EXOC7: variants seen among roughly 807,000 people sequenced by gnomAD.
The protein encoded by EXOC7 is exocyst complex component Exo70.
A neutral mutation model predicts 87.6 loss-of-function variants in EXOC7; 51 were observed. That is an observed-to-expected ratio of 0.58 (90% CI 0.46 to 0.73). EXOC7 has a LOEUF of 0.73. Ranked by LOEUF, EXOC7 falls within the 30% of genes least tolerant of loss-of-function variation. The pLI, the probability that EXOC7 is intolerant of heterozygous loss-of-function variation, is 0.00. For synonymous variants in EXOC7, 327 were observed against 357.1 expected, an observed-to-expected ratio of 0.92 and a Z score of 0.95; for missense variants, 744 against 888.4, an observed-to-expected ratio of 0.84 and a Z score of 2.07.
chr17:76,088,928 G>C lies in EXOC7; in HGVS notation c.1048-5C>G. ...CATCAGCCCATCCAGGGCATCCTGA[G>C]GGGGCAGGGAGACAGTTCAGGGAAG... On this transcript the variant is annotated splice_region_variant and splice_polypyrimidine_tract_variant and intron_variant, in intron 8 of 18. Transcript: ENST00000589210. 1.9e-6 allele frequency: 3 copies of C among 1,612,214 alleles called. No homozygotes were observed. The highest frequency in any genetic ancestry group is 1.7e-4 in the Middle Eastern group (1 of 6,050).
At chr17:76,085,601 G>C in intron 14 of EXOC7, 76 bp downstream of exon 14, 1 of 1,605,966 alleles carries the variant, frequency 6.2e-7, no homozygotes, top group South Asian at 1.1e-5. Flanking sequence ...AAGGAGCCCA[G>C]GGGGGCAGGG....
In EXOC7 at chr17:76,098,032, A is replaced by G; in HGVS notation, c.418-14T>C. 6.2e-7 allele frequency: 1 copy of G among 1,611,840 alleles called. No individual in the cohort carries two copies. The highest frequency in any genetic ancestry group is 8.5e-7 in the Non-Finnish European group (1 of 1,177,986). On this transcript the variant is annotated splice_polypyrimidine_tract_variant and intron_variant, in intron 4 of 18. Coordinates refer to ENST00000589210, the MANE Select transcript of EXOC7 (RefSeq NM_001013839.4). ...AAAGAGCAGTTTCTGCACAGACAAC[A>G]GAAGGAAGCAGGTGCCTGCTGCTTC...
In EXOC7 at chr17:76,083,763, T is replaced by G. The variant is rs761849334; in HGVS notation, c.1953-13A>C. The G allele has an allele frequency of 6.2e-7, 1 of 1,610,898 alleles. No homozygotes were observed. Among genetic ancestry groups the G allele is most frequent in the Non-Finnish European group, 8.5e-7 (1 of 1,178,492 alleles). ...CACGCTGCCAAACCTGAGGAGGCAC[T>G]GTGGTCAGGGGACAGGGAGGGCCGA... On this transcript the variant is annotated splice_polypyrimidine_tract_variant and intron_variant, in intron 18 of 18. Coordinates refer to ENST00000589210, the MANE Select transcript of EXOC7 (RefSeq NM_001013839.4).
At chr17:76,103,265 A>T in intron 2 of EXOC7, 96 bp downstream of exon 2, 1 of 1,166,744 alleles carries the variant, frequency 8.6e-7, no homozygotes, top group Non-Finnish European at 1.2e-6. Flanking sequence ...TGCCCATTCC[A>T]GAACTCCAGG....
In EXOC7 at chr17:76,094,404, G is replaced by C. The variant is rs368488973; in HGVS notation, c.808+10C>G. ...GGCTGTTGCAGAGATGGGCCAGGAT[G>C]GGGGCTCACCTGGCCGCTTGACTGG... is the stretch of plus-strand genomic sequence containing the variant. On this transcript the variant is annotated intron_variant, in intron 6 of 18. Coordinates refer to ENST00000589210, the MANE Select transcript of EXOC7 (RefSeq NM_001013839.4). 9 of 1,610,124 alleles carry C rather than the reference G, an allele frequency of 5.6e-6. No individual in the cohort carries two copies. In the African/African-American group the frequency reaches 9.4e-5, roughly 17 times the overall value.
chr17:76,100,844 G>A (rs963824910), intron 4 of EXOC7, among the ~76,000 whole-genome samples: 3 of 151,858 alleles, frequency 2.0e-5, no homozygotes, highest in African/African-American at 4.8e-5. Flanking sequence ...AGCCAGGTGC[G>A]GTGGCGAGTG....
intron 5 of EXOC7, among the ~76,000 whole-genome samples, chr17:76,094,854 G>C (rs2665980): frequency 0.49 from 73,582 of 151,092 alleles, 18,356 homozygotes; most frequent in South Asian, 0.67. Flanking sequence ...CAAGTAATCT[G>C]ACCACTTCAG....
intron 3 of EXOC7, 121 bp from the exon 4 acceptor site, chr17:76,101,497 C>T (rs1314591956): frequency 1.4e-6 from 2 of 1,438,590 alleles, no homozygotes; most frequent in South Asian, 1.4e-5. Flanking sequence ...ATTCTATCCC[C>T]CCACTGCCTT....
chr17:76,096,453 G>A (rs571056581), intron 5 of EXOC7, among the ~76,000 whole-genome samples: 5 of 148,804 alleles, frequency 3.4e-5, no homozygotes, highest in South Asian at 2.2e-4. Flanking sequence ...CAGAGGTTGC[G>A]GTGAGCCAAT....
Position 76,081,999 on chromosome 17 carries a change from C to T in EXOC7, c.*1649G>A, listed in dbSNP as rs749838124. 1.5e-5 allele frequency: 24 copies of T among 1,611,728 alleles called. No individual in the cohort carries two copies. Among genetic ancestry groups the T allele is most frequent in the African/African-American group, 8.0e-5 (6 of 74,862 alleles). On this transcript the variant is annotated 3_prime_UTR_variant, in exon 19 of 19. Transcript: ENST00000589210. ...GCCAAGAGCGGCCCCAGCCCAGCCCCGAGAGGGGAACAGCGAGAGCACGGC... is the reference window on the plus strand; with the variant it reads ...GCCAAGAGCGGCCCCAGCCCAGCCCTGAGAGGGGAACAGCGAGAGCACGGC...
Position 76,082,226 on chromosome 17 carries a change from A to G in EXOC7, c.*1422T>C. On this transcript the variant is annotated 3_prime_UTR_variant, in exon 19 of 19. Coordinates refer to ENST00000589210, the MANE Select transcript of EXOC7 (RefSeq NM_001013839.4). Reference sequence around the variant, plus strand: ...AGAAACAGGTCTGGGGCAGGGAGCAAGCTGAGCCTCCCTGAAGTCCCAGGT... The same window carrying G: ...AGAAACAGGTCTGGGGCAGGGAGCAGGCTGAGCCTCCCTGAAGTCCCAGGT... 6 of 869,700 alleles carry G rather than the reference A, an allele frequency of 6.9e-6. No individual in the cohort carries two copies. Among genetic ancestry groups the G allele is most frequent in the Non-Finnish European group, 1.0e-5 (6 of 583,574 alleles). The allele number at this position is 869,700 out of a possible 1,614,324, so 53.9% of individuals were successfully genotyped here. A position where few individuals can be genotyped will look rare whatever the true frequency, so the allele number is the denominator to read the frequency against.
Position 76,081,192 on chromosome 17 carries a change from C to T in EXOC7, c.*2456G>A. The T allele has an allele frequency of 1.3e-6, 2 of 1,560,300 alleles. No individual in the cohort carries two copies. The highest frequency in any genetic ancestry group is 1.8e-5 in the Admixed American group (1 of 54,394). On this transcript the variant is annotated 3_prime_UTR_variant, in exon 19 of 19. Transcript: ENST00000589210. The stretch of plus-strand genomic sequence containing the variant: ...GCCAAAAGCCATCAAAAGTCTCCAT[C>T]ACCCCTGGGCTCCAGTCTGCTACCC...
chr17:76,087,565 T>C, intron 12 of EXOC7, 89 bp downstream of exon 12: 1 of 1,313,710 alleles, frequency 7.6e-7, no homozygotes, highest in South Asian at 1.3e-5. Flanking sequence ...AGACTGGAGA[T>C]ACCTCCTCAC....
Position 76,085,389 on chromosome 17 carries a change from A to G in EXOC7, c.1637T>C (p.Val546Ala). 6.2e-7 allele frequency: 1 copy of G among 1,610,328 alleles called. No homozygotes were observed. The highest frequency in any genetic ancestry group is 8.5e-7 in the Non-Finnish European group (1 of 1,179,070). Residue 546 changes from valine to alanine, a missense_variant, in exon 15 of 19, where the codon GTG (valine) becomes GCG (alanine). This residue lies in a region of EXOC7 where 228 missense variants were observed against 298.6 expected (regional missense o/e 0.76). Coordinates refer to ENST00000589210, the MANE Select transcript of EXOC7 (RefSeq NM_001013839.4). Reference protein sequence around the residue: ...SLEKSELIQLVAVTQKTAERS... With the variant: ...SLEKSELIQLAAVTQKTAERS... ...CTCAGCAGTCTTCTGTGTCACTGCC[A>G]CCAGCTGGATCAGTTCAGACCTGGG...
chr17:76,084,311 C>T (rs1274967524), intron 16 of EXOC7, 22 bp from the exon 17 acceptor site: 2 of 1,613,458 alleles, frequency 1.2e-6, no homozygotes, highest in Non-Finnish European at 1.7e-6. Context: ...GGAGAGATAG[C>T]AGAGAAAGCT....
chr17:76,090,264 G>C, intron 7 of EXOC7: 1 of 1,519,242 alleles, frequency 6.6e-7, no homozygotes, highest in Non-Finnish European at 8.8e-7. Context: ...GCAGGAGCAG[G>C]CCATCCGGGG....
chr17:76,084,672 T>A, intron 15 of EXOC7, 92 bp from the exon 16 acceptor site: 1 of 1,147,690 alleles, frequency 8.7e-7, no homozygotes, highest in Non-Finnish European at 1.3e-6. Flanking sequence ...ATCTACTTGG[T>A]GGGTGGTGGT....
chr17:76,101,177 T>C, intron 4 of EXOC7, 94 bp downstream of exon 4: 1 of 1,607,700 alleles, frequency 6.2e-7, no homozygotes, highest in African/African-American at 1.3e-5. Context: ...TGTATTCTAC[T>C]GCATACATCC....
chr17:76,087,612 G>C (rs900525200), intron 12 of EXOC7, 42 bp downstream of exon 12: 1 of 1,539,120 alleles, frequency 6.5e-7, no homozygotes. Flanking sequence ...TCCAGGCAAG[G>C]AGGCGAGTGG....
Sources: allele counts gnomAD v4.1 joint callset (sites outside exome capture counted in the v4.1 genomes callset), GRCh38; gene constraint gnomAD v4.1.1; regional missense constraint gnomAD v4.1.1; transcripts MANE v1.5; gene names NCBI Gene and HGNC (gene_info 2026-07-23, HGNC 2026-07-21).